ING4: variants seen among roughly 807,000 people sequenced by gnomAD.
ING4 encodes inhibitor of growth family member 4.
Under a neutral mutation model 33.1 loss-of-function variants are expected in ING4, and 28 were observed. The observed-to-expected ratio is 0.85, with a 90% CI of 0.63 to 1.16. The LOEUF (loss-of-function observed/expected upper bound fraction) is 1.16, where lower values mean the gene tolerates loss of function less well. Among genes scored for constraint, ING4 ranks in the 50% most tolerant of loss-of-function variants. The pLI, the probability that ING4 is intolerant of heterozygous loss-of-function variation, is 0.00. For missense variants in ING4, 247 were observed against 314.7 expected (o/e 0.78, Z 1.63); for synonymous variants, 87 against 104.4 (o/e 0.83, Z 1.02).
chr12:6,654,386 G>A (rs1447610646), intron 2 of ING4, among the ~76,000 whole-genome samples: 1 of 149,400 alleles, frequency 6.7e-6, no homozygotes, highest in Non-Finnish European at 1.5e-5. Flanking sequence ...TGGATGGAGT[G>A]CAGTGGCATG....
At chr12:6,652,521 G>C (rs1949214394) in intron 5 of ING4, 103 bp from the exon 6 acceptor site, 3 of 1,414,050 alleles carry the variant, frequency 2.1e-6, no homozygotes, top group African/African-American at 2.9e-5. Flanking sequence ...ATGATTTGTG[G>C]CTTCTCCAGC....
At chr12:6,652,791 C>T (rs1023478083) in intron 4 of ING4, 24 bp from the exon 5 acceptor site, 1 of 1,609,610 alleles carries the variant, frequency 6.2e-7, no homozygotes, top group Non-Finnish European at 8.5e-7. Flanking sequence ...GGGAGAAAGC[C>T]AGAAGGCAGG....
intron 6 of ING4, 24 bp from the exon 7 acceptor site, chr12:6,651,409 T>C: frequency 6.2e-7 from 1 of 1,608,402 alleles, no homozygotes; most frequent in Non-Finnish European, 8.5e-7. Context: ...AAAGAAGTAG[T>C]CAGGGGCCAG....
In ING4 at chr12:6,652,559, T is replaced by C. The variant is rs1024014183; in HGVS notation, c.497+103A>G. The stretch of plus-strand genomic sequence containing the variant: ...ATACCAAAATGATAAGAAGAGTTCT[T>C]GGCGCAGACATATAGAAAGCGGCAG... On this transcript the variant is annotated intron_variant, in intron 5 of 7. Transcript: ENST00000341550. 2.0e-5 allele frequency: 28 copies of C among 1,370,632 alleles called. No individual in the cohort carries two copies. In the Admixed American group the frequency reaches 3.2e-4, roughly 15 times the overall value. The allele number at this position is 1,370,632 out of a possible 1,614,324, so 84.9% of individuals were successfully genotyped here. A position where few individuals can be genotyped will look rare whatever the true frequency, so the allele number is the denominator to read the frequency against.
chr12:6,656,840 A>G, intron 1 of ING4, 42 bp from the exon 2 acceptor site: 1 of 1,222,472 alleles, frequency 8.2e-7, no homozygotes, highest in Non-Finnish European at 1.2e-6. Context: ...GACTATGCAT[A>G]GGCCTTACAG....
chr12:6,663,010 C>T (rs1416688080), intron 1 of ING4, 55 bp downstream of exon 1: 3 of 1,579,492 alleles, frequency 1.9e-6, no homozygotes, highest in African/African-American at 1.3e-5. Context: ...ATCCTCTCAT[C>T]CCTGATCCCC....
In ING4 at chr12:6,652,649, C is replaced by A; in HGVS notation, c.497+13G>T. ...AGGATGTCATCCGGCAAAGGGCTCC[C>A]TGAATCACTCACGTGCGCACGAGCT... On this transcript the variant is annotated intron_variant, in intron 5 of 7. Coordinates refer to ENST00000341550, the MANE Select transcript of ING4 (RefSeq NM_016162.4). The A allele has an allele frequency of 1.7e-5, 28 of 1,610,996 alleles. No homozygotes were observed. Among genetic ancestry groups the A allele is most frequent in the Non-Finnish European group, 2.4e-5 (28 of 1,177,794 alleles).
At chr12:6,653,073 G>A (rs1251093241) in intron 3 of ING4, 23 bp from the exon 4 acceptor site, 1 of 1,611,128 alleles carries the variant, frequency 6.2e-7, no homozygotes, top group Non-Finnish European at 8.5e-7. Context: ...GAAGGAGAAA[G>A]GAGAGGTACA....
rs1167938664 is a variant in ING4, at chr12:6,652,963, C to T, written c.364G>A (p.Asp122Asn). The stretch of plus-strand genomic sequence containing the variant: ...TTTTTGCCTTTGCTGGAAGAGCTGT[C>T]ATAGTCACTTGACTCAATCTGTTTC... Reference protein sequence around the residue: ...KEKQIESSDYDSSSSKGKKSR... With the variant: ...KEKQIESSDYNSSSSKGKKSR... Residue 122 changes from aspartate to asparagine, a missense_variant, in exon 4 of 8, where the codon GAC becomes AAC. Physicochemically the swap from Asp to Asn is conservative, Grantham distance 23. Transcript: ENST00000341550. The T allele has an allele frequency of 1.2e-6, 2 of 1,614,076 alleles. No individual in the cohort carries two copies. The highest frequency in any genetic ancestry group is 3.3e-5 in the Admixed American group (2 of 60,006).
At chr12:6,653,169 G>A (rs1949239111) in intron 3 of ING4, 61 bp downstream of exon 3, 1 of 1,600,596 alleles carries the variant, frequency 6.2e-7, no homozygotes, top group Admixed American at 1.7e-5. Context: ...AGTTGAAGGA[G>A]GGGTCTAAGA....
At position 6,652,139 on chromosome 12, in the gene ING4, C is replaced by T. The variant is rs116693623; in HGVS notation, c.645+132G>A. On this transcript the variant is annotated intron_variant, in intron 6 of 7. Coordinates refer to ENST00000341550, the MANE Select transcript of ING4 (RefSeq NM_016162.4). ...CCTCCCAAAGTGCTGGGATTTCAGGCAAGAGCTACTACGTCCAGCCCATCT... is the reference window on the plus strand; with the variant it reads ...CCTCCCAAAGTGCTGGGATTTCAGGTAAGAGCTACTACGTCCAGCCCATCT... 481 of 1,154,138 alleles carry T rather than the reference C, an allele frequency of 4.2e-4. 1 individual carries two copies. The African/African-American group carries it at 6.5e-3, about 16-fold the overall frequency. The allele number at this position is 1,154,138 out of a possible 1,614,324, so 71.5% of individuals were successfully genotyped here.
intron 3 of ING4, 76 bp from the exon 4 acceptor site, chr12:6,653,126 T>A: frequency 6.3e-7 from 1 of 1,593,520 alleles, no homozygotes; most frequent in Non-Finnish European, 8.6e-7. Context: ...GCAGAGTTTA[T>A]GGATCTCACA....
rs1199751602 is a variant in ING4 at position 6,650,581 on chromosome 12, C to T, written c.*614G>A. On this transcript the variant is annotated 3_prime_UTR_variant, in exon 8 of 8. Transcript: ENST00000341550. ...ACTAAAACAGTGTCTCTACAATAAA[C>T]ACAGCAGGCCAACATGTATAGCTTT... 2.6e-5 allele frequency: 4 copies of T among 153,878 alleles called. No individual in the cohort carries two copies. Among genetic ancestry groups the T allele is most frequent in the African/African-American group, 9.6e-5 (4 of 41,458 alleles). 9.5% of individuals were successfully genotyped at this position (153,878 alleles called of 1,614,324 possible).
intron 2 of ING4, among the ~76,000 whole-genome samples, chr12:6,654,732 T>C (rs779346817): frequency 6.6e-6 from 1 of 152,160 alleles, no homozygotes; most frequent in East Asian, 1.9e-4. Flanking sequence ...CCAAACACGT[T>C]TTTTTGTTTT....
chr12:6,656,553 A>C, intron 2 of ING4, 174 bp downstream of exon 2: 1 of 553,828 alleles, frequency 1.8e-6, no homozygotes, highest in Non-Finnish European at 3.1e-6. Context: ...GTTATGAAAA[A>C]GCTGACACAG....
intron 1 of ING4, among the ~76,000 whole-genome samples, chr12:6,658,225 G>C (rs2136278478): frequency 6.6e-6 from 1 of 152,044 alleles, no homozygotes; most frequent in Admixed American, 6.5e-5. Flanking sequence ...CTCCCAAAGT[G>C]CTGGGATTAC....
rs1007850047 is a variant in ING4 at position 6,654,327 on chromosome 12, TTTTC to T, written c.110-935_110-932del. ...CTGCTTATCTTACTGCTCACTCTAT[TTTTC>T]TTTTTTTTTTTTTTTGAGACAGGGT... On this transcript the variant is annotated intron_variant, in intron 2 of 7. Transcript: ENST00000341550. Among the ~76,000 whole-genome samples, 8 of 151,206 alleles carry T rather than the reference TTTTC, an allele frequency of 5.3e-5. No individual in the cohort carries two copies. In the South Asian group the frequency reaches 8.3e-4, roughly 16 times the overall value.
At position 6,663,090 on chromosome 12, in the gene ING4, C is replaced by G. The variant is rs774132579; in HGVS notation, c.12G>C (p.Gly4=). Residue 4 remains glycine, a synonymous_variant, in exon 1 of 8, where the codon GGG becomes GGC. Transcript: ENST00000341550. ...TGTCCAGATAATGTTCCAAATACAT[C>G]CCCGCAGCCATCTCGAAGCAAAACA... is the stretch of plus-strand genomic sequence containing the variant. MAA[G]MYLEHYLDSI... 6.8e-6 allele frequency: 11 copies of G among 1,614,228 alleles called. 1 individual carries two copies. The South Asian group carries it at 1.2e-4, about 18-fold the overall frequency.
Position 6,652,430 on chromosome 12 carries a change from G to A in ING4, c.498-12C>T. On this transcript the variant is annotated splice_polypyrimidine_tract_variant and intron_variant, in intron 5 of 7. Coordinates refer to ENST00000341550, the MANE Select transcript of ING4 (RefSeq NM_016162.4). Reference sequence around the variant, plus strand: ...CATACTCAGGACTTCTGCATGCCAAGAGGAAGAGAAAGTGTCATCTACAGG... The same window carrying A: ...CATACTCAGGACTTCTGCATGCCAAAAGGAAGAGAAAGTGTCATCTACAGG... The A allele has an allele frequency of 6.2e-7, 1 of 1,613,150 alleles. No individual in the cohort carries two copies. The highest frequency in any genetic ancestry group is 8.5e-7 in the Non-Finnish European group (1 of 1,179,352).
Sources: allele counts gnomAD v4.1 joint callset (sites outside exome capture counted in the v4.1 genomes callset), GRCh38; gene constraint gnomAD v4.1.1; transcripts MANE v1.5; gene names NCBI Gene and HGNC (gene_info 2026-07-23, HGNC 2026-07-21).